Variants in KIDINS220 observed in about 807,000 individuals in gnomAD.
The protein encoded by KIDINS220 is kinase D-interacting substrate of 220 kDa.
Under a neutral mutation model 157.6 loss-of-function variants are expected in KIDINS220, and 63 were observed. The observed-to-expected ratio is 0.40, with a 90% confidence interval of 0.33 to 0.49. The LOEUF (loss-of-function observed/expected upper bound fraction) is 0.49. Ranked by LOEUF, KIDINS220 falls within the 20% of genes least tolerant of loss-of-function variation. The probability of loss-of-function intolerance (pLI) is 0.66; values close to 1 mark genes in which losing one functional copy is unlikely to be tolerated. For missense variants in KIDINS220, 1,772 were observed against 2,171.2 expected (o/e 0.82, Z 3.65); for synonymous variants, 732 against 783.6 (o/e 0.93, Z 1.10).
intron 17 of KIDINS220, among the ~76,000 whole-genome samples, chr2:8,784,658 A>G (rs1355668124): frequency 6.6e-6 from 1 of 152,224 alleles, no homozygotes; most frequent in Admixed American, 6.5e-5. Context: ...AGCACATGAA[A>G]ATATGCTCCA....
chr2:8,779,785 G>A lies in KIDINS220; in HGVS notation c.2259C>T (p.Ala753=). 20 of 1,614,088 alleles carry A rather than the reference G, an allele frequency of 1.2e-5. No homozygotes were observed. Among genetic ancestry groups the A allele is most frequent in the Non-Finnish European group, 1.7e-5 (20 of 1,179,974 alleles). Residue 753 remains alanine, a synonymous_variant, in exon 18 of 30, where the codon GCC becomes GCT. Transcript: ENST00000256707. The part of the protein sequence containing the change: ...KVLKCEVELM[A]RMAKTIDSFT... ...AGCTGTCAATGGTTTTTGCCATCCT[G>A]GCCATCAATTCCACTTCACATTTAA...
downstream of KIDINS220, among the ~76,000 whole-genome samples, chr2:8,727,971 G>A (rs1045943533): frequency 1.3e-4 from 20 of 152,196 alleles, no homozygotes; most frequent in Non-Finnish European, 2.2e-4. Flanking sequence ...GTAAGGCCAC[G>A]GTGAATGAAT....
At chr2:8,777,593 C>T (rs1289529440) in intron 20 of KIDINS220, among the ~76,000 whole-genome samples, 2 of 152,196 alleles carry the variant, frequency 1.3e-5, no homozygotes, top group Non-Finnish European at 2.9e-5. Flanking sequence ...GAGCACTGCA[C>T]CTGGCCTGAT....
At chr2:8,783,845 G>A (rs1344894146) in intron 17 of KIDINS220, among the ~76,000 whole-genome samples, 3 of 152,166 alleles carry the variant, frequency 2.0e-5, no homozygotes, top group East Asian at 1.9e-4. Context: ...CCATGTTCAT[G>A]GGTAGGAAGA....
chr2:8,736,947 T>A lies in KIDINS220; in HGVS notation c.3638A>T (p.Asp1213Val). The change falls in exon 27 of 30, where the codon GAT becomes GTT. Residue 1213 changes from aspartate to valine, a missense_variant. Coordinates refer to ENST00000256707, the MANE Select transcript of KIDINS220 (RefSeq NM_020738.4). ...PVVLLNSLNV[D>V]AVCEKLKQIE... ...TTGTTTCAGCTTCTCACATACTGCA[T>A]CCACATTCAGTGAATTCAGTAATAC... 2 of 1,614,186 alleles carry A rather than the reference T, an allele frequency of 1.2e-6. No homozygotes were observed. Among genetic ancestry groups the A allele is most frequent in the African/African-American group, 2.7e-5 (2 of 75,056 alleles).
chr2:8,782,737 C>G (rs1361991732), intron 17 of KIDINS220, among the ~76,000 whole-genome samples: 2 of 152,140 alleles, frequency 1.3e-5, no homozygotes, highest in African/African-American at 4.8e-5. Context: ...AAACTACAAA[C>G]CAATAAATAT....
Position 8,770,814 on chromosome 2 carries a change from T to C in KIDINS220, c.2867A>G (p.Asn956Ser), listed in dbSNP as rs773795702. ...VSVTGRLLRANQISFNWDRLA... is the reference protein window; with the variant it reads ...VSVTGRLLRASQISFNWDRLA... Reference sequence around the variant, plus strand: ...CCTGTCCCAGTTGAAACTAATCTGATTGGCTCTCAGTAATCGTCCTTTTAA... The same window carrying C: ...CCTGTCCCAGTTGAAACTAATCTGACTGGCTCTCAGTAATCGTCCTTTTAA... The change falls in exon 22 of 30, where the codon AAT becomes AGT. Residue 956 changes from asparagine to serine, a missense_variant. Coordinates refer to ENST00000256707, the MANE Select transcript of KIDINS220 (RefSeq NM_020738.4). The C allele has an allele frequency of 2.6e-5, 42 of 1,605,322 alleles. No homozygotes were observed. The highest frequency in any genetic ancestry group is 5.4e-5 in the African/African-American group (4 of 74,650).
chr2:8,787,250 T>TA (rs60588763), intron 15 of KIDINS220, among the ~76,000 whole-genome samples: 3,273 of 152,274 alleles, frequency 0.021, 130 homozygotes, highest in African/African-American at 0.076. Flanking sequence ...GCTAGTTACT[T>TA]AAAAGTTTTT....
chr2:8,823,066 C>T (rs1310807576), intron 2 of KIDINS220, among the ~76,000 whole-genome samples: 2 of 152,058 alleles, frequency 1.3e-5, no homozygotes, highest in Non-Finnish European at 2.9e-5. Flanking sequence ...GCCTTGAACT[C>T]CTGGGGTCAA....
In KIDINS220 at chr2:8,793,857, A is replaced by G; in HGVS notation, c.1229T>C (p.Ile410Thr). ...PNKAGETPYN[I>T]DCSHQKSILT... Reference sequence around the variant, plus strand: ...AATACTCTTCTGATGGCTACAGTCAATATTATAAGGAGTCTCGCCTGCTTT... The same window carrying G: ...AATACTCTTCTGATGGCTACAGTCAGTATTATAAGGAGTCTCGCCTGCTTT... The change falls in exon 12 of 30, where the codon ATT (isoleucine) becomes ACT (threonine). Residue 410 changes from isoleucine (I) to threonine (T), a missense_variant. By Grantham distance (89) the Ile-to-Thr change is moderately conservative (BLOSUM62 -1). Coordinates refer to ENST00000256707, the MANE Select transcript of KIDINS220 (RefSeq NM_020738.4). 1 of 1,612,604 alleles carries G rather than the reference A, an allele frequency of 6.2e-7. No homozygotes were observed. Among genetic ancestry groups the G allele is most frequent in the Non-Finnish European group, 8.5e-7 (1 of 1,179,620 alleles).
rs979270578 is a variant in KIDINS220 at position 8,785,980 on chromosome 2, G to A, written c.1990C>T (p.Leu664Phe). ...GATATAATGCAGCCAATGATAAAAA[G>A]GAAGATGACAAAAGATGGGAGACAA... ...TCCLPSFVIF[L>F]FIIGCIISGI... Residue 664 changes from leucine (L) to phenylalanine (F), a missense_variant, in exon 17 of 30, where the codon CTT becomes TTT. By Grantham distance (22) the Leu-to-Phe change is conservative (BLOSUM62 0). Coordinates refer to ENST00000256707, the MANE Select transcript of KIDINS220 (RefSeq NM_020738.4). The A allele has an allele frequency of 2.5e-6, 4 of 1,612,038 alleles. No homozygotes were observed. The African/African-American group carries it at 5.3e-5, about 22-fold the overall frequency.
intron 1 of KIDINS220, among the ~76,000 whole-genome samples, chr2:8,830,764 T>C (rs1679504624): frequency 6.6e-6 from 1 of 152,138 alleles, no homozygotes; most frequent in Non-Finnish European, 1.5e-5. Context: ...CTATTCTTTG[T>C]TCCCAGATCC....
intron 26 of KIDINS220, chr2:8,737,206 A>C: frequency 2.2e-6 from 1 of 450,544 alleles, no homozygotes; most frequent in Non-Finnish European, 3.9e-6. Context: ...CAGCTGATAC[A>C]GCCTGGTCAA....
rs1462131379 is a variant in KIDINS220 at position 8,730,001 on chromosome 2, A to G, written c.*719T>C. 3 of 985,394 alleles carry G rather than the reference A, an allele frequency of 3.0e-6. No homozygotes were observed. The highest frequency in any genetic ancestry group is 9.4e-5 in the South Asian group (2 of 21,286). 61.0% of individuals were successfully genotyped at this position (985,394 alleles called of 1,614,324 possible). The stretch of plus-strand genomic sequence containing the variant: ...GCACAGCTGGATGGTGCTGGAAGCC[A>G]GGCCTGGGATTTGGAGAGAAGAGTT... On this transcript the variant is annotated 3_prime_UTR_variant, in exon 30 of 30. Transcript: ENST00000256707.
chr2:8,779,265 A>T (rs1381752445), intron 18 of KIDINS220, 126 bp from the exon 19 acceptor site: 1 of 1,271,264 alleles, frequency 7.9e-7, no homozygotes, highest in East Asian at 2.5e-5. Context: ...TTTTCATCAA[A>T]ACTTACTCTG....
intron 8 of KIDINS220, among the ~76,000 whole-genome samples, chr2:8,800,913 T>C (rs531426836): frequency 6.6e-6 from 1 of 152,246 alleles, no homozygotes; most frequent in East Asian, 1.9e-4. Context: ...CCATGAATTC[T>C]AAAAAAACGG....
In KIDINS220 at chr2:8,788,664, A is replaced by C. The variant is rs778254399; in HGVS notation, c.1770T>G (p.Thr590=). 8 of 1,614,016 alleles carry C rather than the reference A, an allele frequency of 5.0e-6. No individual in the cohort carries two copies. Among genetic ancestry groups the C allele is most frequent in the Non-Finnish European group, 6.8e-6 (8 of 1,179,882 alleles). Residue 590 remains threonine, a synonymous_variant, in exon 15 of 30, where the codon ACT becomes ACG. Coordinates refer to ENST00000256707, the MANE Select transcript of KIDINS220 (RefSeq NM_020738.4). The stretch of plus-strand genomic sequence containing the variant: ...CAACTCACCTCACAGGTAAAGCTTT[A>C]GTAGTCTGCTCTGGCAACTCAGGTG... ...VNPPELPEQT[T]KALPVRFLFT...
intron 14 of KIDINS220, 25 bp downstream of exon 14, chr2:8,789,855 A>T: frequency 6.6e-7 from 1 of 1,523,704 alleles, no homozygotes; most frequent in Non-Finnish European, 8.9e-7. Context: ...TCCATTTTTG[A>T]AAAAGATAAA....
At chr2:8,722,982 T>C (rs2147916234), downstream of KIDINS220, 1 of 152,350 alleles carries the variant, frequency 6.6e-6, no homozygotes, top group South Asian at 2.1e-4. Flanking sequence ...TTTAACAGCC[T>C]TTCCTATCTG....
Sources: gnomAD v4.1 joint callset for allele counts (sites outside exome capture counted in the v4.1 genomes callset) on GRCh38, gnomAD v4.1.1 for gene constraint, MANE v1.5 for transcripts, NCBI Gene and HGNC (gene_info 2026-07-23, HGNC 2026-07-21) for gene names.